The following FSTL5 variants were observed in gnomAD, a reference collection of about 807,000 sequenced individuals.
FSTL5 encodes follistatin-related protein 5.
In FSTL5, 62 loss-of-function variants were observed where a neutral mutation model predicts 89.1. The observed-to-expected ratio is 0.70, with a 90% CI of 0.57 to 0.86. The LOEUF is 0.86. Ranked by LOEUF, FSTL5 falls within the 40% of genes least tolerant of loss-of-function variation. The pLI is 0.00. For synonymous variants in FSTL5, 383 were observed against 346.2 expected, an observed-to-expected ratio of 1.11 and a Z score of -1.18; for missense variants, 1,057 against 1,001.6, an observed-to-expected ratio of 1.06 and a Z score of -0.75.
At chr4:161,679,955 C>T (rs1169475357) in intron 6 of FSTL5, among the ~76,000 whole-genome samples, 2 of 151,702 alleles carry the variant, frequency 1.3e-5, no homozygotes, top group African/African-American at 4.8e-5. Flanking sequence ...CAATATTAAA[C>T]TGAGTTTTAT....
chr4:161,580,558 T>C (rs1733396899), intron 8 of FSTL5, among the ~76,000 whole-genome samples: 1 of 151,924 alleles, frequency 6.6e-6, no homozygotes, highest in South Asian at 2.1e-4. Flanking sequence ...TTCATAACTA[T>C]GGAAAAAAAG....
chr4:162,086,835 A>C (rs927233774), intron 2 of FSTL5, among the ~76,000 whole-genome samples: 1 of 152,100 alleles, frequency 6.6e-6, no homozygotes, highest in Admixed American at 6.6e-5. Flanking sequence ...ATGCTTCAAT[A>C]ATGTTCAATA....
At chr4:161,873,586 A>G (rs1297211565) in intron 4 of FSTL5, among the ~76,000 whole-genome samples, 4 of 143,602 alleles carry the variant, frequency 2.8e-5, no homozygotes, top group African/African-American at 1.0e-4. Context: ...CCATAATAAA[A>G]GATATTTAAA....
chr4:161,696,669 T>G (rs112418902), intron 6 of FSTL5, among the ~76,000 whole-genome samples: 10,425 of 152,240 alleles, frequency 0.068, 437 homozygotes, highest in East Asian at 0.19. Flanking sequence ...TTTCTCCTCC[T>G]TGGTTAGGTA....
chr4:161,739,996 C>CTATTTATT (rs141804950), intron 6 of FSTL5, among the ~76,000 whole-genome samples: 2,395 of 149,464 alleles, frequency 0.016, 20 homozygotes, highest in African/African-American at 0.024. Flanking sequence ...AGGATAGTAT[C>CTATTTATT]TATTTATTTA....
chr4:161,965,189 T>G (rs978930619), intron 3 of FSTL5, among the ~76,000 whole-genome samples: 2 of 152,118 alleles, frequency 1.3e-5, no homozygotes, highest in Non-Finnish European at 2.9e-5. Context: ...TTCCTTTCAA[T>G]ATCCATGACC....
intron 6 of FSTL5, among the ~76,000 whole-genome samples, chr4:161,671,208 C>T (rs73862365): frequency 0.062 from 9,416 of 152,236 alleles, 386 homozygotes; most frequent in East Asian, 0.21. Context: ...AACTAGAGCA[C>T]TAACTCAGGT....
intron 3 of FSTL5, among the ~76,000 whole-genome samples, chr4:161,922,446 T>C (rs1314011637): frequency 6.6e-6 from 1 of 151,966 alleles, no homozygotes; most frequent in African/African-American, 2.4e-5. Flanking sequence ...AAAATCAATT[T>C]TGGAAAATTT....
intron 8 of FSTL5, among the ~76,000 whole-genome samples, chr4:161,572,317 C>G (rs1733043654): frequency 1.8e-5 from 1 of 54,234 alleles, no homozygotes; most frequent in Admixed American, 3.1e-4. Flanking sequence ...GAGACTCCGT[C>G]TAAAAAAAAA....
intron 7 of FSTL5, among the ~76,000 whole-genome samples, chr4:161,608,248 CA>C (rs1734519715): frequency 6.6e-6 from 1 of 152,090 alleles, no homozygotes; most frequent in Admixed American, 6.6e-5. Context: ...TGTATATCAG[CA>C]CATCTAATTT....
intron 3 of FSTL5, among the ~76,000 whole-genome samples, chr4:161,944,509 AAAC>A (rs1280822520): frequency 6.6e-6 from 1 of 152,034 alleles, no homozygotes; most frequent in Non-Finnish European, 1.5e-5. Context: ...AAGCAGACAT[AAAC>A]AATATACTAT....
intron 13 of FSTL5, among the ~76,000 whole-genome samples, chr4:161,467,821 A>G (rs140285741): frequency 2.2e-4 from 33 of 152,288 alleles, no homozygotes; most frequent in African/African-American, 7.9e-4. Flanking sequence ...GCTGCAAAAA[A>G]GAGAGCTTAG....
chr4:161,674,187 T>C (rs961163901), intron 6 of FSTL5, among the ~76,000 whole-genome samples: 2 of 152,086 alleles, frequency 1.3e-5, no homozygotes, highest in Non-Finnish European at 2.9e-5. Flanking sequence ...GATATACAGA[T>C]ATATAAACAT....
At chr4:161,902,380 T>C (rs1396568771) in intron 4 of FSTL5, among the ~76,000 whole-genome samples, 1 of 152,268 alleles carries the variant, frequency 6.6e-6, no homozygotes, top group East Asian at 1.9e-4. Context: ...TTTAGTTTTG[T>C]AAAATACATA....
intron 9 of FSTL5, among the ~76,000 whole-genome samples, chr4:161,542,013 A>G (rs924552320): frequency 3.3e-5 from 5 of 151,968 alleles, no homozygotes; most frequent in Non-Finnish European, 7.4e-5. Context: ...GAATATGTAC[A>G]ATATTTTATA....
At chr4:161,613,196 T>C (rs551490929) in intron 7 of FSTL5, among the ~76,000 whole-genome samples, 3 of 152,230 alleles carry the variant, frequency 2.0e-5, no homozygotes, top group Admixed American at 2.0e-4. Context: ...TTCACGCCTG[T>C]TATCCCAGCA....
At chr4:161,811,173 A>G (rs11725561) in intron 4 of FSTL5, among the ~76,000 whole-genome samples, 112,885 of 151,978 alleles carry the variant, frequency 0.74, 41,949 homozygotes, top group Admixed American at 0.77. Flanking sequence ...TTGATTGAAA[A>G]GAAAAGTGAG....
chr4:161,774,988 C>G (rs891703029), intron 5 of FSTL5, among the ~76,000 whole-genome samples: 1 of 152,080 alleles, frequency 6.6e-6, no homozygotes, highest in African/African-American at 2.4e-5. Context: ...ATGATGATAA[C>G]TATAATCAAT....
rs561101261 is a variant in FSTL5 at position 161,457,050 on chromosome 4, A to G, written c.1717-1922T>C. 2.8e-4 allele frequency among the ~76,000 whole-genome samples: 42 copies of G among 152,262 alleles called. 2 individuals are homozygous for G. The highest frequency in any genetic ancestry group is 2.7e-3 in the East Asian group (14 of 5,154). Reference sequence around the variant, plus strand: ...TGTGCTGAACATTCAGGGTAGCATTAGGCTCTCCACGTGACCCAAAGTTGA... The same window carrying G: ...TGTGCTGAACATTCAGGGTAGCATTGGGCTCTCCACGTGACCCAAAGTTGA... On this transcript the variant is annotated intron_variant, in intron 14 of 15. Coordinates refer to ENST00000306100, the MANE Select transcript of FSTL5 (RefSeq NM_020116.5).
Sources: allele counts gnomAD v4.1 joint callset (sites outside exome capture counted in the v4.1 genomes callset), GRCh38; gene constraint gnomAD v4.1.1; transcripts MANE v1.5; gene names NCBI Gene and HGNC (gene_info 2026-07-23, HGNC 2026-07-21).